The following ATP1A3 variants were observed in gnomAD, a reference collection of about 807,000 sequenced individuals.
ATP1A3 encodes ATPase Na+/K+ transporting subunit alpha 3, also known as sodium/potassium-transporting ATPase subunit alpha-3.
In ATP1A3, 12 loss-of-function variants were observed where a neutral mutation model predicts 108.8. The ratio of observed to expected loss-of-function variants is 0.11; its 90% CI spans 0.07 to 0.18. The LOEUF is 0.18. ATP1A3 is among the 10% of genes least tolerant of loss of function. ATP1A3 has a pLI of 1.00. For synonymous variants in ATP1A3, 539 were observed against 564.5 expected (o/e 0.95, Z 0.64); for missense variants, 498 against 1,387.7 (o/e 0.36, Z 10.19).
chr19:41,966,929 G>A lies in ATP1A3; in HGVS notation c.*8C>T. ...GGGGAAGAGATGGGCGATGTGGTGG[G>A]GCTGAGGTCAGTAGTAGGTTTCCTT... is the stretch of plus-strand genomic sequence containing the variant. On this transcript the variant is annotated 3_prime_UTR_variant, in exon 23 of 23. Transcript: ENST00000648268. The A allele has an allele frequency of 6.4e-7, 1 of 1,551,426 alleles. No homozygotes were observed. Among genetic ancestry groups the A allele is most frequent in the African/African-American group, 1.4e-5 (1 of 73,080 alleles).
At position 41,978,888 on chromosome 19, in the gene ATP1A3, T is replaced by C. The variant is rs1180029825; in HGVS notation, c.1438-90A>G. ...CCTGTCCCCTGTCCAGAGCCACGGG[T>C]GCCAGGATAGGCCCACACCAGGGCT... On this transcript the variant is annotated intron_variant, in intron 11 of 22. Coordinates refer to ENST00000648268, the MANE Select transcript of ATP1A3 (RefSeq NM_152296.5). The surrounding 1 kb of genome is among the most constrained non-coding windows in gnomAD (Gnocchi z 8.3). 1 of 1,385,040 alleles carries C rather than the reference T, an allele frequency of 7.2e-7. No individual in the cohort carries two copies. Among genetic ancestry groups the C allele is most frequent in the Non-Finnish European group, 1.0e-6 (1 of 992,692 alleles). The allele number at this position is 1,385,040 out of a possible 1,614,324, so 85.8% of individuals were successfully genotyped here. A position where few individuals can be genotyped will look rare whatever the true frequency, so the allele number is the denominator to read the frequency against.
Position 41,981,690 on chromosome 19 carries a change from A to G in ATP1A3, c.1302+32T>C, listed in dbSNP as rs2075233596. On this transcript the variant is annotated intron_variant, in intron 10 of 22. Coordinates refer to ENST00000648268, the MANE Select transcript of ATP1A3 (RefSeq NM_152296.5). This position sits in a 1 kb window ranked among gnomAD's most constrained non-coding sequence, Gnocchi z 5.0. ...GGACAGCTGAGGGGAGGACACAGGC[A>G]GGGCCGAGGTGAGGCCAGTAGCTGA... The G allele has an allele frequency of 6.2e-7, 1 of 1,614,072 alleles. No individual in the cohort carries two copies. The highest frequency in any genetic ancestry group is 1.3e-5 in the African/African-American group (1 of 74,948).
chr19:41,993,509 A>G lies in ATP1A3; in HGVS notation c.6+562T>C, dbSNP rs1165084196. 8 of 287,628 alleles carry G rather than the reference A, an allele frequency of 2.8e-5. No individual in the cohort carries two copies. The South Asian group carries it at 3.3e-4, about 12-fold the overall frequency. The allele number at this position is 287,628 out of a possible 1,614,324, so 17.8% of individuals were successfully genotyped here. On this transcript the variant is annotated intron_variant, in intron 1 of 22. Transcript: ENST00000648268. ...GCGACACTGCGGAGCCTGCACACAC[A>G]CACACACACACACACACACACACAC...
At position 41,970,369 on chromosome 19, in the gene ATP1A3, G is replaced by T. The variant is rs2075090128; in HGVS notation, c.2418+19C>A. On this transcript the variant is annotated intron_variant, in intron 17 of 22. Coordinates refer to ENST00000648268, the MANE Select transcript of ATP1A3 (RefSeq NM_152296.5). ...GGACTCCACCCTCCTGGGCCCCAAG[G>T]GTGGCTGCCAGGGCTCACCATGTCA... is the stretch of plus-strand genomic sequence containing the variant. The T allele has an allele frequency of 3.1e-6, 5 of 1,614,232 alleles. No individual in the cohort carries two copies. The East Asian group carries it at 1.1e-4, about 36-fold the overall frequency.
At chr19:41,989,233 C>T (rs1291115565) in intron 1 of ATP1A3, among the ~76,000 whole-genome samples, 1 of 152,166 alleles carries the variant, frequency 6.6e-6, no homozygotes, top group African/African-American at 2.4e-5. Flanking sequence ...AGCCACCGTG[C>T]CCCACCTCTA....
intron 16 of ATP1A3, 126 bp downstream of exon 16, chr19:41,975,503 T>G (rs2075156152): frequency 1.6e-5 from 22 of 1,387,552 alleles, no homozygotes; most frequent in Non-Finnish European, 2.2e-5. Context: ...AGGCTCAGGC[T>G]CCTCCAGGGC....
At chr19:41,989,561 C>T (rs552909135) in intron 1 of ATP1A3, among the ~76,000 whole-genome samples, 11 of 152,186 alleles carry the variant, frequency 7.2e-5, no homozygotes, top group Admixed American at 6.5e-4. Flanking sequence ...CCTCGTGATC[C>T]GCCCGTCTCG....
At chr19:41,970,064 T>G in intron 18 of ATP1A3, 121 bp downstream of exon 18, 1 of 1,516,828 alleles carries the variant, frequency 6.6e-7, no homozygotes, top group Non-Finnish European at 9.1e-7. Flanking sequence ...AGCTCACTGG[T>G]TGGTCCTGCC....
intron 16 of ATP1A3, among the ~76,000 whole-genome samples, chr19:41,972,045 T>A (rs2075115403): frequency 1.3e-5 from 2 of 150,990 alleles, no homozygotes; most frequent in South Asian, 4.2e-4. Flanking sequence ...AGATCAAGAG[T>A]TCAAGACCAG....
chr19:41,983,284 G>A (rs1442096239), intron 8 of ATP1A3, among the ~76,000 whole-genome samples: 1 of 151,666 alleles, frequency 6.6e-6, no homozygotes, highest in African/African-American at 2.4e-5. Flanking sequence ...TGCCATGTTG[G>A]CCAGGCTGGT....
chr19:41,972,889 C>CGGAG (rs1555860277), intron 16 of ATP1A3, among the ~76,000 whole-genome samples: 6 of 45,242 alleles, frequency 1.3e-4, no homozygotes, highest in Non-Finnish European at 1.9e-4. Context: ...CAGGCAGGGA[C>CGGAG]GGAGGGAGGG....
chr19:41,970,601 C>G (rs2075093404), intron 16 of ATP1A3, 59 bp from the exon 17 acceptor site: 2 of 1,576,846 alleles, frequency 1.3e-6, no homozygotes, highest in Non-Finnish European at 1.7e-6. Flanking sequence ...CTCCCTCTGC[C>G]CCTCCTCTGC....
rs368608388 is a variant in ATP1A3, at chr19:41,967,415, C to T, written c.2922-75G>A. 101 of 1,492,900 alleles carry T rather than the reference C, an allele frequency of 6.8e-5. 1 individual carries two copies. In the South Asian group the frequency reaches 9.5e-4, roughly 14 times the overall value. 92.5% of individuals were successfully genotyped at this position (1,492,900 alleles called of 1,614,324 possible). ...CAGAGTTTCAGGGGACTGGAGGGGA[C>T]GCAGAGGGGCAGTCTCCCAGGATCC... On this transcript the variant is annotated intron_variant, in intron 21 of 22. Coordinates refer to ENST00000648268, the MANE Select transcript of ATP1A3 (RefSeq NM_152296.5). This position sits in a 1 kb window ranked among gnomAD's most constrained non-coding sequence, Gnocchi z 4.2.
intron 16 of ATP1A3, among the ~76,000 whole-genome samples, chr19:41,970,959 C>T (rs1344587930): frequency 6.6e-6 from 1 of 150,664 alleles, no homozygotes; most frequent in Admixed American, 6.6e-5. Flanking sequence ...TACCCCCCAG[C>T]CCACCCACCA....
At chr19:41,984,420 T>C (rs1455574248) in intron 8 of ATP1A3, 1 of 158,854 alleles carries the variant, frequency 6.3e-6, no homozygotes, top group Non-Finnish European at 1.4e-5. Flanking sequence ...AGACAGGGTT[T>C]CACCATGTTG....
intron 16 of ATP1A3, among the ~76,000 whole-genome samples, chr19:41,970,936 C>T (rs1327903259): frequency 6.7e-6 from 1 of 150,232 alleles, no homozygotes; most frequent in Non-Finnish European, 1.5e-5. Context: ...CCGGCCTGTC[C>T]AGCGTCCTTT....
At position 41,966,852 on chromosome 19, in the gene ATP1A3, C is replaced by A. The variant is rs782668761; in HGVS notation, c.*85G>T. The A allele has an allele frequency of 5.2e-6, 8 of 1,548,580 alleles. No individual in the cohort carries two copies. The highest frequency in any genetic ancestry group is 4.1e-5 in the African/African-American group (3 of 72,742). On this transcript the variant is annotated 3_prime_UTR_variant, in exon 23 of 23. Transcript: ENST00000648268. ...CCACAGGAAGAGAGGGCTCCTCCCCCCAGAATACAAAATTGGGGGGACTGA... is the reference window on the plus strand; with the variant it reads ...CCACAGGAAGAGAGGGCTCCTCCCCACAGAATACAAAATTGGGGGGACTGA...
At chr19:41,977,707 A>G (rs1339396906) in intron 14 of ATP1A3, among the ~76,000 whole-genome samples, 1 of 152,112 alleles carries the variant, frequency 6.6e-6, no homozygotes, top group East Asian at 1.9e-4. Flanking sequence ...TCAAAAACAT[A>G]AATAAATAAA....
At chr19:41,992,339 C>A (rs1197107965) in intron 1 of ATP1A3, among the ~76,000 whole-genome samples, 1 of 152,116 alleles carries the variant, frequency 6.6e-6, no homozygotes, top group Non-Finnish European at 1.5e-5. Context: ...CCCAGATGGG[C>A]GCGCTGCGGG....
Sources: allele counts gnomAD v4.1 joint callset (sites outside exome capture counted in the v4.1 genomes callset), GRCh38; gene constraint gnomAD v4.1.1; non-coding constraint Gnocchi (gnomAD v3.1); transcripts MANE v1.5; gene names NCBI Gene and HGNC (gene_info 2026-07-23, HGNC 2026-07-21).